NR6A1: variants seen among roughly 807,000 people sequenced by gnomAD.
The protein encoded by NR6A1 is nuclear receptor subfamily 6 group A member 1.
NR6A1 carries 7 observed loss-of-function variants against 59.1 expected under a neutral mutation model. That is an observed-to-expected ratio of 0.12 (90% CI 0.07 to 0.22). NR6A1 has a LOEUF of 0.22. NR6A1 is among the 10% of genes least tolerant of loss of function. NR6A1 has a pLI of 1.00. For missense variants in NR6A1, 468 were observed against 611.6 expected (o/e 0.77, Z 2.48); for synonymous variants, 243 against 236.1 (o/e 1.03, Z -0.27).
rs1179257196 is a variant in NR6A1 at position 124,540,119 on chromosome 9, G to C, written c.510C>G (p.Ser170Arg). The change falls in exon 5 of 10, where the codon AGC (serine) becomes AGG (arginine). Residue 170 changes from serine (S) to arginine (R), a missense_variant. Ser to Arg is a moderately radical substitution (Grantham distance 110, BLOSUM62 -1). Around this residue, in one of 4 missense-constraint regions of NR6A1, gnomAD observed 151 missense variants for 142.8 expected, o/e 1.06. Coordinates refer to ENST00000487099, the MANE Select transcript of NR6A1 (RefSeq NM_033334.4). Reference protein sequence around the residue: ...QEFEEEANHWSNHGDSDHSSP... With the variant: ...QEFEEEANHWRNHGDSDHSSP... ...AACTGTGGTCACTATCACCATGGTT[G>C]CTCCAGTGATTGGCCTCTTCCTCAA... 2 of 1,614,060 alleles carry C rather than the reference G, an allele frequency of 1.2e-6. No homozygotes were observed. The highest frequency in any genetic ancestry group is 1.7e-6 in the Non-Finnish European group (2 of 1,179,954).
chr9:124,524,901 A>T (rs1304767438), intron 8 of NR6A1, 28 bp from the exon 9 acceptor site: 1 of 1,579,602 alleles, frequency 6.3e-7, no homozygotes, highest in Non-Finnish European at 8.6e-7. Context: ...ACACACACAC[A>T]CATACAGGGA....
chr9:124,754,966 T>C (rs1840596430), intron 1 of NR6A1, among the ~76,000 whole-genome samples: 2 of 151,998 alleles, frequency 1.3e-5, no homozygotes, highest in African/African-American at 4.8e-5. Flanking sequence ...GTCAAAAAAA[T>C]ACATTAAAAA....
At chr9:124,663,530 G>A (rs1837512458) in intron 2 of NR6A1, among the ~76,000 whole-genome samples, 1 of 151,982 alleles carries the variant, frequency 6.6e-6, no homozygotes, top group Admixed American at 6.6e-5. Context: ...TTCCTGCCAG[G>A]CTGTTTTCAG....
intron 1 of NR6A1, among the ~76,000 whole-genome samples, chr9:124,740,880 G>A (rs571476335): frequency 6.6e-6 from 1 of 152,238 alleles, no homozygotes; most frequent in Admixed American, 6.5e-5. Flanking sequence ...CCCTGGGCCT[G>A]AGACATGTCC....
intron 2 of NR6A1, among the ~76,000 whole-genome samples, chr9:124,657,016 A>G (rs1017599733): frequency 1.3e-5 from 2 of 152,114 alleles, no homozygotes; most frequent in Non-Finnish European, 2.9e-5. Context: ...AATGCACTTA[A>G]CACCACAGAA....
At chr9:124,554,698 C>A (rs1588662343) in intron 2 of NR6A1, 128 bp from the exon 3 acceptor site, 3 of 1,169,548 alleles carry the variant, frequency 2.6e-6, no homozygotes, top group South Asian at 2.9e-5. Context: ...AACAGGGGGC[C>A]CATCTTCGGA....
intron 1 of NR6A1, among the ~76,000 whole-genome samples, chr9:124,755,236 T>C (rs1235574328): frequency 2.6e-5 from 4 of 152,192 alleles, no homozygotes; most frequent in Non-Finnish European, 5.9e-5. Flanking sequence ...TGAACAACCT[T>C]ATTGCTCACA....
intron 2 of NR6A1, among the ~76,000 whole-genome samples, chr9:124,700,478 C>T (rs1838907533): frequency 6.6e-6 from 1 of 152,042 alleles, no homozygotes; most frequent in Non-Finnish European, 1.5e-5. Flanking sequence ...GCCTCAGCCT[C>T]CCAAAGTGCT....
At chr9:124,712,521 T>C (rs890314219) in intron 2 of NR6A1, among the ~76,000 whole-genome samples, 1 of 150,804 alleles carries the variant, frequency 6.6e-6, no homozygotes, top group Non-Finnish European at 1.5e-5. Context: ...GGCACAAGAA[T>C]CGCCTGAACC....
At chr9:124,599,039 G>T in intron 2 of NR6A1, 1 of 737,032 alleles carries the variant, frequency 1.4e-6, no homozygotes, top group Non-Finnish European at 2.5e-6. Flanking sequence ...GAGGAGGCGG[G>T]TGGTCCCCTT....
intron 2 of NR6A1, among the ~76,000 whole-genome samples, chr9:124,657,239 G>A (rs939253247): frequency 2.6e-5 from 4 of 152,082 alleles, no homozygotes; most frequent in Non-Finnish European, 5.9e-5. Context: ...CATATGGAAG[G>A]TGCTGCATAA....
chr9:124,593,704 T>C (rs1835193164), intron 2 of NR6A1, among the ~76,000 whole-genome samples: 1 of 152,198 alleles, frequency 6.6e-6, no homozygotes, highest in African/African-American at 2.4e-5. Context: ...TCGGTGTCAT[T>C]GTTTTGGTTT....
chr9:124,731,703 A>G (rs1179827046), intron 2 of NR6A1, among the ~76,000 whole-genome samples: 4 of 152,316 alleles, frequency 2.6e-5, no homozygotes, highest in African/African-American at 9.6e-5. Flanking sequence ...AAGAGTAAAT[A>G]TATTTTGTCT....
intron 2 of NR6A1, among the ~76,000 whole-genome samples, chr9:124,585,418 C>CCCTA (rs1254881454): frequency 6.6e-6 from 1 of 151,958 alleles, no homozygotes; most frequent in Non-Finnish European, 1.5e-5. Flanking sequence ...GTGGCAGGCA[C>CCCTA]CTGTAGTCCC....
At chr9:124,583,799 GCCTAA>G (rs1364658022) in intron 2 of NR6A1, among the ~76,000 whole-genome samples, 1 of 152,112 alleles carries the variant, frequency 6.6e-6, no homozygotes, top group Non-Finnish European at 1.5e-5. Context: ...CCTGAGTGAG[GCCTAA>G]CCTGATAGCC....
At chr9:124,710,148 G>A (rs778674325) in intron 2 of NR6A1, among the ~76,000 whole-genome samples, 39 of 151,992 alleles carry the variant, frequency 2.6e-4, no homozygotes, top group Non-Finnish European at 8.8e-5. Context: ...GACAACTGAG[G>A]GGCCAAATGA....
At chr9:124,698,693 T>C (rs1041387561) in intron 2 of NR6A1, 5 of 152,214 alleles carry the variant, frequency 3.3e-5, no homozygotes, top group African/African-American at 1.2e-4. Flanking sequence ...ATTATATTTA[T>C]AACTTAGGAA....
intron 1 of NR6A1, among the ~76,000 whole-genome samples, chr9:124,746,937 AAATGCCCT>A (rs1292080898): frequency 6.6e-6 from 1 of 152,232 alleles, no homozygotes; most frequent in Non-Finnish European, 1.5e-5. Flanking sequence ...CTTTTGAAGT[AAATGCCCT>A]AATGGAGACA....
intron 1 of NR6A1, among the ~76,000 whole-genome samples, chr9:124,750,243 C>T (rs537610378): frequency 5.3e-5 from 8 of 152,232 alleles, no homozygotes; most frequent in Admixed American, 1.3e-4. Flanking sequence ...TGCTTTGTTT[C>T]CTAAAAGGCA....
Sources: gnomAD v4.1 joint callset for allele counts (sites outside exome capture counted in the v4.1 genomes callset) on GRCh38, gnomAD v4.1.1 for gene constraint, gnomAD v4.1.1 regional missense constraint, MANE v1.5 for transcripts, NCBI Gene and HGNC (gene_info 2026-07-23, HGNC 2026-07-21) for gene names.